Variants in SND1 observed in about 807,000 individuals in gnomAD.
SND1 encodes staphylococcal nuclease and tudor domain containing 1, also known as staphylococcal nuclease domain-containing protein 1.
SND1 carries 38 observed loss-of-function variants against 121.7 expected under a neutral mutation model. The observed-to-expected ratio is 0.31, with a 90% confidence interval of 0.24 to 0.41. The LOEUF (loss-of-function observed/expected upper bound fraction) is 0.41. SND1 is among the 10% of genes least tolerant of loss of function. The pLI, the probability that SND1 is intolerant of heterozygous loss-of-function variation, is 1.00. For synonymous variants in SND1, 401 were observed against 447.4 expected, an observed-to-expected ratio of 0.90 and a Z score of 1.31; for missense variants, 868 against 1,184.6, an observed-to-expected ratio of 0.73 and a Z score of 3.92.
At chr7:127,894,724 G>A (rs1584647840) in intron 13 of SND1, among the ~76,000 whole-genome samples, 1 of 151,898 alleles carries the variant, frequency 6.6e-6, no homozygotes, top group African/African-American at 2.4e-5. Context: ...CTCCAAGAAA[G>A]CATATCTTTC....
chr7:128,045,002 C>T lies in SND1; in HGVS notation c.1780-29500C>T, dbSNP rs530497996. Among the ~76,000 whole-genome samples, 252 of 152,224 alleles carry T rather than the reference C, an allele frequency of 1.7e-3. 1 individual carries two copies. Among genetic ancestry groups the T allele is most frequent in the Non-Finnish European group, 2.5e-3 (168 of 68,022 alleles). ...TACAGGGTCTGTCTGATGCCTTCTC[C>T]AAGCTTTGTATCAGATTTATGGCTA... On this transcript the variant is annotated intron_variant, in intron 16 of 23. Transcript: ENST00000354725.
At chr7:127,887,244 G>T (rs893353349) in intron 12 of SND1, among the ~76,000 whole-genome samples, 4 of 151,970 alleles carry the variant, frequency 2.6e-5, no homozygotes, top group Non-Finnish European at 5.9e-5. Context: ...TGATCCCAGC[G>T]CCCGGGCCTC....
chr7:127,856,176 A>G (rs564421409), intron 12 of SND1, among the ~76,000 whole-genome samples: 1 of 152,360 alleles, frequency 6.6e-6, no homozygotes, highest in South Asian at 2.1e-4. Context: ...CAGGAAGCTT[A>G]ACACATATTT....
At chr7:128,061,297 A>G (rs1793227142) in intron 16 of SND1, among the ~76,000 whole-genome samples, 1 of 152,206 alleles carries the variant, frequency 6.6e-6, no homozygotes, top group Non-Finnish European at 1.5e-5. Flanking sequence ...CTTTCCCATC[A>G]CTAATATTTC....
intron 10 of SND1, among the ~76,000 whole-genome samples, chr7:127,795,935 G>A (rs1798013256): frequency 6.6e-6 from 1 of 151,946 alleles, no homozygotes; most frequent in African/African-American, 2.4e-5. Context: ...TCGGTTCACT[G>A]CAAGCTCCGC....
At chr7:127,904,647 C>T (rs1463776759) in intron 13 of SND1, 100 bp from the exon 14 acceptor site, 6 of 728,420 alleles carry the variant, frequency 8.2e-6, no homozygotes, top group Non-Finnish European at 1.5e-5. Flanking sequence ...TCATACATCC[C>T]CACTTTAACA....
intron 10 of SND1, among the ~76,000 whole-genome samples, chr7:127,761,544 A>G (rs1797306212): frequency 6.6e-6 from 1 of 152,236 alleles, no homozygotes; most frequent in Non-Finnish European, 1.5e-5. Context: ...ACATAATCGT[A>G]TACACACTGT....
intron 14 of SND1, among the ~76,000 whole-genome samples, chr7:127,913,966 C>G (rs1800514129): frequency 6.6e-6 from 1 of 152,172 alleles, no homozygotes; most frequent in Admixed American, 6.5e-5. Context: ...TTTGGACACT[C>G]CTTGCAGTGT....
intron 12 of SND1, among the ~76,000 whole-genome samples, chr7:127,883,125 G>T (rs1190287678): frequency 6.6e-6 from 1 of 152,144 alleles, no homozygotes; most frequent in Non-Finnish European, 1.5e-5. Context: ...CTCACAGGCA[G>T]TCTTGCCCAA....
chr7:127,688,045 A>C (rs374673892), intron 2 of SND1, among the ~76,000 whole-genome samples: 1 of 152,096 alleles, frequency 6.6e-6, no homozygotes, highest in South Asian at 2.1e-4. Flanking sequence ...ATCCCATGAA[A>C]TTGCAAAATT....
At chr7:127,929,882 T>A (rs919479899) in intron 15 of SND1, among the ~76,000 whole-genome samples, 2 of 152,232 alleles carry the variant, frequency 1.3e-5, no homozygotes, top group African/African-American at 4.8e-5. Context: ...GTTGACGTGC[T>A]AAGGCAAAGA....
intron 12 of SND1, among the ~76,000 whole-genome samples, chr7:127,880,442 T>C (rs1006376388): frequency 2.6e-5 from 4 of 152,162 alleles, no homozygotes; most frequent in Non-Finnish European, 5.9e-5. Flanking sequence ...ATGGATATAC[T>C]ACCCTATTAA....
At chr7:127,992,858 T>C (rs1802552237) in intron 16 of SND1, among the ~76,000 whole-genome samples, 1 of 152,224 alleles carries the variant, frequency 6.6e-6, no homozygotes, top group Non-Finnish European at 1.5e-5. Context: ...GACCTTACCT[T>C]TGTCTTATAT....
At chr7:127,709,416 G>A (rs979398578) in intron 9 of SND1, among the ~76,000 whole-genome samples, 5 of 152,140 alleles carry the variant, frequency 3.3e-5, no homozygotes, top group Admixed American at 6.5e-5. Flanking sequence ...GTACCCTGTC[G>A]TGTTCCTACC....
rs549859326 is a variant in SND1 at position 128,034,867 on chromosome 7, G to A, written c.1780-39635G>A. ...AGTGGGATTGCAGCCTCTCATTTTG[G>A]TAACCCAAGTACCATCTAGCTATGG... On this transcript the variant is annotated intron_variant, in intron 16 of 23. Coordinates refer to ENST00000354725, the MANE Select transcript of SND1 (RefSeq NM_014390.4). Among the ~76,000 whole-genome samples, 4 of 152,326 alleles carry A rather than the reference G, an allele frequency of 2.6e-5. No homozygotes were observed. The East Asian group carries it at 7.7e-4, about 29-fold the overall frequency.
intron 14 of SND1, 72 bp from the exon 15 acceptor site, chr7:127,929,116 T>C: frequency 6.6e-7 from 1 of 1,520,006 alleles, no homozygotes; most frequent in Non-Finnish European, 9.1e-7. Flanking sequence ...AAACTTTTTG[T>C]CCTAGACTAT....
chr7:127,686,982 T>C, intron 2 of SND1: 1 of 447,818 alleles, frequency 2.2e-6, no homozygotes, highest in South Asian at 4.0e-5. Context: ...TTCTTGTACC[T>C]TTTCCCATAG....
chr7:128,057,782 G>C (rs1457298558), intron 16 of SND1, among the ~76,000 whole-genome samples: 1 of 152,198 alleles, frequency 6.6e-6, no homozygotes, highest in Admixed American at 6.5e-5. Flanking sequence ...AATGGAGCCA[G>C]GGAGATAGAT....
intron 1 of SND1, among the ~76,000 whole-genome samples, chr7:127,672,801 T>A (rs943623224): frequency 5.9e-5 from 9 of 152,004 alleles, no homozygotes; most frequent in Middle Eastern, 3.2e-3. Context: ...TTTCCAAGAG[T>A]TACTTTATAG....
Sources: gnomAD v4.1 joint callset for allele counts (sites outside exome capture counted in the v4.1 genomes callset) on GRCh38, gnomAD v4.1.1 for gene constraint, MANE v1.5 for transcripts, NCBI Gene and HGNC (gene_info 2026-07-23, HGNC 2026-07-21) for gene names.